CCDC148: variants seen among roughly 807,000 people sequenced by gnomAD.
The protein encoded by CCDC148 is coiled-coil domain-containing protein 148.
In CCDC148, 89 loss-of-function variants were observed where a neutral mutation model predicts 85.7. The ratio of observed to expected loss-of-function variants is 1.04; its 90% CI spans 0.87 to 1.24. The LOEUF (loss-of-function observed/expected upper bound fraction) is 1.24. Ranked by LOEUF, CCDC148 falls within the 50% of genes most tolerant of loss-of-function variation. CCDC148 has a pLI of 0.00. For missense variants in CCDC148, 692 were observed against 671.7 expected (o/e 1.03, Z -0.33); for synonymous variants, 230 against 213.9 (o/e 1.08, Z -0.66).
At chr2:158,341,865 A>G (rs1474959002) in intron 3 of CCDC148, among the ~76,000 whole-genome samples, 4 of 150,334 alleles carry the variant, frequency 2.7e-5, no homozygotes, top group Non-Finnish European at 5.9e-5. Flanking sequence ...GATATATTTC[A>G]CATGGTCATA....
At chr2:158,224,914 G>C in intron 10 of CCDC148, among the ~76,000 whole-genome samples, 1 of 151,940 alleles carries the variant, frequency 6.6e-6, no homozygotes, top group Non-Finnish European at 1.5e-5. Context: ...AAACTAACCA[G>C]CTAACATCAT....
intron 7 of CCDC148, among the ~76,000 whole-genome samples, chr2:158,338,039 G>A (rs1478910526): frequency 6.6e-6 from 1 of 152,030 alleles, no homozygotes; most frequent in Non-Finnish European, 1.5e-5. Context: ...AGCACACAAA[G>A]CTGTTTCCCT....
At chr2:158,443,644 G>C (rs1309691501) in intron 1 of CCDC148, among the ~76,000 whole-genome samples, 4 of 152,028 alleles carry the variant, frequency 2.6e-5, no homozygotes, top group Non-Finnish European at 5.9e-5. Context: ...AAACATATTT[G>C]GGAAATTTCT....
intron 3 of CCDC148, among the ~76,000 whole-genome samples, chr2:158,341,210 G>A (rs1332562088): frequency 1.3e-5 from 2 of 151,788 alleles, no homozygotes; most frequent in Non-Finnish European, 2.9e-5. Context: ...ACATACGTAT[G>A]TGTACGTACA....
rs62182648 is a variant in CCDC148, at chr2:158,280,365, T to C, written c.1110+29068A>G. 5.3e-3 allele frequency among the ~76,000 whole-genome samples: 799 copies of C among 152,186 alleles called. 6 individuals carry two copies. Among genetic ancestry groups the C allele is most frequent in the African/African-American group, 0.018 (741 of 41,512 alleles). On this transcript the variant is annotated intron_variant, in intron 9 of 13. Coordinates refer to ENST00000283233, the MANE Select transcript of CCDC148 (RefSeq NM_138803.4). ...TAAAGAGTCAAGACCCATCAGTGTG[T>C]TGTATTCAGGAAACCCATCTCACAT...
intron 7 of CCDC148, among the ~76,000 whole-genome samples, chr2:158,316,612 C>T (rs1402519586): frequency 6.6e-6 from 1 of 152,118 alleles, no homozygotes; most frequent in African/African-American, 2.4e-5. Context: ...TATATAAATA[C>T]TCACAATATT....
intron 2 of CCDC148, among the ~76,000 whole-genome samples, chr2:158,355,761 C>A (rs77956858): frequency 4.0e-5 from 5 of 124,710 alleles, no homozygotes; most frequent in East Asian, 2.4e-4. Context: ...AAAAAGAGCC[C>A]GCATCGCCAA....
intron 1 of CCDC148, among the ~76,000 whole-genome samples, chr2:158,375,197 G>C (rs1008304344): frequency 3.6e-4 from 55 of 151,994 alleles, no homozygotes; most frequent in African/African-American, 1.3e-3. Context: ...AACCTGCCAA[G>C]TTTGGACCAC....
intron 7 of CCDC148, among the ~76,000 whole-genome samples, chr2:158,321,111 T>A (rs1574616860): frequency 6.6e-6 from 1 of 152,118 alleles, no homozygotes; most frequent in African/African-American, 2.4e-5. Flanking sequence ...ATTTAAAATG[T>A]TTTATTCCCA....
chr2:158,345,348 C>T lies in CCDC148; in HGVS notation c.148-30G>A, dbSNP rs1682946537. The T allele has an allele frequency of 2.0e-6, 3 of 1,475,868 alleles. No homozygotes were observed. The South Asian group carries it at 3.6e-5, about 17-fold the overall frequency. The allele number at this position is 1,475,868 out of a possible 1,614,324, so 91.4% of individuals were successfully genotyped here. A position where few individuals can be genotyped will look rare whatever the true frequency, so the allele number is the denominator to read the frequency against. ...ATTTAGAGGAACAAAAGAGGAGCAA[C>T]TTCAAAGTTTTCAGAATGTGTTTTT... On this transcript the variant is annotated intron_variant, in intron 2 of 13. Transcript: ENST00000283233.
chr2:158,192,053 G>A (rs1685447953), intron 11 of CCDC148, among the ~76,000 whole-genome samples: 2 of 151,838 alleles, frequency 1.3e-5, no homozygotes, highest in South Asian at 4.2e-4. Flanking sequence ...AAATTAACAG[G>A]GAACCAACTT....
chr2:158,313,444 C>T (rs1326249079), intron 8 of CCDC148, among the ~76,000 whole-genome samples: 1 of 152,198 alleles, frequency 6.6e-6, no homozygotes, highest in Non-Finnish European at 1.5e-5. Flanking sequence ...TGAAGGTGAG[C>T]ATCTGGCTGT....
At chr2:158,356,171 C>A (rs1338461274) in intron 2 of CCDC148, among the ~76,000 whole-genome samples, 3 of 126,796 alleles carry the variant, frequency 2.4e-5, no homozygotes, top group African/African-American at 3.7e-5. Context: ...TAGGCATGGG[C>A]AAGGACTTCA....
intron 11 of CCDC148, among the ~76,000 whole-genome samples, chr2:158,215,713 G>T (rs954287664): frequency 1.3e-4 from 20 of 152,028 alleles, no homozygotes; most frequent in African/African-American, 4.6e-4. Context: ...GTGAATAGTC[G>T]ATTTGTACAT....
chr2:158,456,595 G>T lies in CCDC148; in HGVS notation c.-156C>A. 1 of 921,668 alleles carries T rather than the reference G, an allele frequency of 1.1e-6. No individual in the cohort carries two copies. The highest frequency in any genetic ancestry group is 1.6e-6 in the Non-Finnish European group (1 of 620,816). The allele number at this position is 921,668 out of a possible 1,614,324, so 57.1% of individuals were successfully genotyped here. A position where few individuals can be genotyped will look rare whatever the true frequency, so the allele number is the denominator to read the frequency against. On this transcript the variant is annotated 5_prime_UTR_variant, in exon 1 of 14. Coordinates refer to ENST00000283233, the MANE Select transcript of CCDC148 (RefSeq NM_138803.4). The stretch of plus-strand genomic sequence containing the variant: ...ACCCTACCAGGCACAGTTGGGATTG[G>T]CAGTAAGGCAAGGAAAGCCTGCCCC...
chr2:158,242,380 G>A (rs1180871458), intron 10 of CCDC148, among the ~76,000 whole-genome samples: 1 of 152,120 alleles, frequency 6.6e-6, no homozygotes, highest in East Asian at 1.9e-4. Context: ...CTTTCTAAGT[G>A]CCAGCCACGT....
intron 1 of CCDC148, among the ~76,000 whole-genome samples, chr2:158,422,532 A>G (rs1372246565): frequency 6.6e-6 from 1 of 152,194 alleles, no homozygotes; most frequent in Admixed American, 6.5e-5. Flanking sequence ...GAAATTCAAC[A>G]GCCCTTCATG....
At chr2:158,229,829 T>C (rs1398141376) in intron 10 of CCDC148, among the ~76,000 whole-genome samples, 1 of 152,178 alleles carries the variant, frequency 6.6e-6, no homozygotes, top group Non-Finnish European at 1.5e-5. Context: ...TTTTATCCCA[T>C]TGCAATAATT....
intron 10 of CCDC148, among the ~76,000 whole-genome samples, chr2:158,221,168 T>C (rs1687163756): frequency 6.6e-6 from 1 of 152,232 alleles, no homozygotes; most frequent in East Asian, 1.9e-4. Flanking sequence ...AGCAGGATGT[T>C]GAAAGCTTTA....
Sources: gnomAD v4.1 joint callset for allele counts (sites outside exome capture counted in the v4.1 genomes callset) on GRCh38, gnomAD v4.1.1 for gene constraint, MANE v1.5 for transcripts, NCBI Gene and HGNC (gene_info 2026-07-23, HGNC 2026-07-21) for gene names.